MCCC2: variants seen among roughly 807,000 people sequenced by gnomAD.
MCCC2 encodes methylcrotonoyl-CoA carboxylase beta chain, mitochondrial.
A neutral mutation model predicts 77.2 loss-of-function variants in MCCC2; 52 were observed. The ratio of observed to expected loss-of-function variants is 0.67; its 90% CI spans 0.54 to 0.85. The LOEUF (loss-of-function observed/expected upper bound fraction) is 0.85. Ranked by LOEUF, MCCC2 falls within the 40% of genes least tolerant of loss-of-function variation. The probability of loss-of-function intolerance (pLI) is 0.00; values close to 1 mark genes in which losing one functional copy is unlikely to be tolerated. For missense variants in MCCC2, 682 were observed against 703.2 expected (o/e 0.97, Z 0.34); for synonymous variants, 253 against 248.4 (o/e 1.02, Z -0.18).
At chr5:71,603,340 T>C (rs945766404) in intron 5 of MCCC2, among the ~76,000 whole-genome samples, 104 of 140,540 alleles carry the variant, frequency 7.4e-4, no homozygotes, top group African/African-American at 2.8e-3. Context: ...GGTGTGAACC[T>C]GGGAGGCGGA....
intron 5 of MCCC2, 170 bp downstream of exon 5, chr5:71,602,803 C>A: frequency 1.0e-6 from 1 of 958,582 alleles, no homozygotes; most frequent in Non-Finnish European, 1.6e-6. Context: ...GGAAAGTAAA[C>A]AAGAACTGTT....
chr5:71,612,847 G>C (rs1746011142), intron 6 of MCCC2, among the ~76,000 whole-genome samples: 1 of 152,218 alleles, frequency 6.6e-6, no homozygotes, highest in South Asian at 2.1e-4. Flanking sequence ...CTTGTGGGTA[G>C]CTGGGATTAT....
intron 15 of MCCC2, 121 bp from the exon 16 acceptor site, chr5:71,652,548 A>G: frequency 2.6e-6 from 2 of 782,680 alleles, no homozygotes; most frequent in Non-Finnish European, 4.5e-6. Flanking sequence ...ATACATCACT[A>G]TGCACATGTT....
chr5:71,601,437 A>G (rs1745426755), intron 4 of MCCC2, among the ~76,000 whole-genome samples: 1 of 152,204 alleles, frequency 6.6e-6, no homozygotes, highest in South Asian at 2.1e-4. Flanking sequence ...TTTGAAGTCT[A>G]GTTCGTTTAA....
intron 6 of MCCC2, among the ~76,000 whole-genome samples, chr5:71,606,903 G>T (rs1384618468): frequency 6.6e-6 from 1 of 151,106 alleles, no homozygotes; most frequent in Non-Finnish European, 1.5e-5. Context: ...TATTGAACCA[G>T]CCTTGCATCC....
At chr5:71,631,333 A>G (rs1426645650) in intron 7 of MCCC2, among the ~76,000 whole-genome samples, 1 of 152,092 alleles carries the variant, frequency 6.6e-6, no homozygotes, top group Non-Finnish European at 1.5e-5. Flanking sequence ...TATTAATACC[A>G]TGGAGAAGGC....
chr5:71,595,857 T>C (rs1745165914), intron 2 of MCCC2, among the ~76,000 whole-genome samples: 2 of 152,226 alleles, frequency 1.3e-5, no homozygotes, highest in Admixed American at 6.5e-5. Flanking sequence ...GTAAATTTAC[T>C]GCACTTATCA....
intron 1 of MCCC2, among the ~76,000 whole-genome samples, chr5:71,590,085 G>A (rs1744914821): frequency 1.3e-5 from 2 of 151,276 alleles, no homozygotes; most frequent in Admixed American, 1.3e-4. Flanking sequence ...CTAGGTTGTA[G>A]AATGTTGTTT....
intron 11 of MCCC2, 75 bp downstream of exon 11, chr5:71,641,150 T>C (rs1054680173): frequency 1.1e-5 from 14 of 1,309,036 alleles, no homozygotes; most frequent in Admixed American, 5.1e-5. Flanking sequence ...TTTCAAGACT[T>C]TGATACACTT....
At chr5:71,607,347 T>C (rs1297498249) in intron 6 of MCCC2, among the ~76,000 whole-genome samples, 1 of 152,044 alleles carries the variant, frequency 6.6e-6, no homozygotes, top group Non-Finnish European at 1.5e-5. Flanking sequence ...CTTCTAGATT[T>C]TCTAGTTTAT....
chr5:71,611,699 G>T (rs1393606065), intron 6 of MCCC2, among the ~76,000 whole-genome samples: 1 of 152,130 alleles, frequency 6.6e-6, no homozygotes, highest in African/African-American at 2.4e-5. Context: ...TTAGAACAGT[G>T]GTTGCCTCTG....
At chr5:71,607,080 G>A (rs1248816354) in intron 6 of MCCC2, among the ~76,000 whole-genome samples, 5 of 151,706 alleles carry the variant, frequency 3.3e-5, no homozygotes, top group African/African-American at 1.2e-4. Flanking sequence ...TCAGAATGAT[G>A]CTGGCCTCAT....
chr5:71,618,307 A>C (rs1369361917), intron 6 of MCCC2, among the ~76,000 whole-genome samples: 1 of 152,070 alleles, frequency 6.6e-6, no homozygotes, highest in Non-Finnish European at 1.5e-5. Context: ...TCATTGTGGG[A>C]GTTTGGCCTT....
chr5:71,615,112 A>G (rs761448027), intron 6 of MCCC2, among the ~76,000 whole-genome samples: 58 of 152,252 alleles, frequency 3.8e-4, no homozygotes, highest in Middle Eastern at 3.4e-3. Context: ...GACTACAGGC[A>G]TGCACCACCA....
chr5:71,624,891 A>C (rs908564867), intron 6 of MCCC2, among the ~76,000 whole-genome samples: 14 of 148,212 alleles, frequency 9.4e-5, no homozygotes, highest in African/African-American at 3.5e-4. Flanking sequence ...ACTGGGTTTC[A>C]CCATGTTGGC....
At chr5:71,616,951 G>A (rs1746173765) in intron 6 of MCCC2, among the ~76,000 whole-genome samples, 1 of 152,126 alleles carries the variant, frequency 6.6e-6, no homozygotes, top group African/African-American at 2.4e-5. Context: ...CACCTGCCTG[G>A]TGTCCCTGTC....
At position 71,643,874 on chromosome 5, in the gene MCCC2, C is replaced by T. The variant is rs758139797; in HGVS notation, c.1128C>T (p.Leu376=). 1.2e-6 allele frequency: 2 copies of T among 1,614,072 alleles called. No homozygotes were observed. Among genetic ancestry groups the T allele is most frequent in the Middle Eastern group, 3.3e-4 (2 of 6,062 alleles). ...GTATCGTTGGAAACAACGGAGTTCT[C>T]TTTTCTGAATCTGCAAAAAAGGCAA... The part of the protein sequence containing the change: ...PVGIVGNNGV[L]FSESAKKGTH... The change falls in exon 12 of 17, where the codon CTC becomes CTT. Residue 376 remains leucine (L), a synonymous_variant. Transcript: ENST00000340941.
chr5:71,616,388 GC>G (rs920337198), intron 6 of MCCC2, among the ~76,000 whole-genome samples: 6 of 152,220 alleles, frequency 3.9e-5, no homozygotes, highest in African/African-American at 1.4e-4. Flanking sequence ...GTAGGACTGA[GC>G]CCTTAGTCTG....
At chr5:71,611,226 C>A (rs1745927739) in intron 6 of MCCC2, among the ~76,000 whole-genome samples, 1 of 152,016 alleles carries the variant, frequency 6.6e-6, no homozygotes, top group Admixed American at 6.6e-5. Flanking sequence ...CATAGGGAGA[C>A]CCTGTCTCTA....
Sources: allele counts gnomAD v4.1 joint callset (sites outside exome capture counted in the v4.1 genomes callset), GRCh38; gene constraint gnomAD v4.1.1; transcripts MANE v1.5; gene names NCBI Gene and HGNC (gene_info 2026-07-23, HGNC 2026-07-21).